Variants in MED13L observed in about 807,000 individuals in gnomAD.
MED13L encodes mediator of RNA polymerase II transcription subunit 13-like.
Under a neutral mutation model 220.9 loss-of-function variants are expected in MED13L, and 7 were observed. The ratio of observed to expected loss-of-function variants is 0.03; its 90% confidence interval spans 0.02 to 0.06. The LOEUF (loss-of-function observed/expected upper bound fraction) is 0.06. MED13L is among the 10% of genes least tolerant of loss of function. MED13L has a pLI of 1.00. For missense variants in MED13L, 1,965 were observed against 2,760.5 expected (o/e 0.71, Z 6.46); for synonymous variants, 1,011 against 1,015.2 (o/e 1.00, Z 0.08).
intron 2 of MED13L, among the ~76,000 whole-genome samples, chr12:116,125,635 T>C (rs1313690661): frequency 6.6e-6 from 1 of 152,220 alleles, no homozygotes; most frequent in Non-Finnish European, 1.5e-5. Flanking sequence ...ATACAATTTC[T>C]ACTGTCGGTG....
chr12:116,273,562 A>C (rs1873567268), intron 1 of MED13L, among the ~76,000 whole-genome samples: 1 of 148,016 alleles, frequency 6.8e-6, no homozygotes. Context: ...CCCTTAAGAC[A>C]AAAAGAAAGT....
chr12:116,243,996 C>T (rs758693009), intron 1 of MED13L, among the ~76,000 whole-genome samples: 3 of 152,108 alleles, frequency 2.0e-5, no homozygotes, highest in Non-Finnish European at 2.9e-5. Flanking sequence ...AGAAAAGCTG[C>T]CAGAAGATAG....
chr12:116,118,066 C>T (rs1446140242), intron 2 of MED13L, among the ~76,000 whole-genome samples: 2 of 152,150 alleles, frequency 1.3e-5, no homozygotes, highest in African/African-American at 4.8e-5. Context: ...GCCTCAGACT[C>T]CCAAAGTGCT....
intron 2 of MED13L, chr12:116,236,755 A>G: frequency 4.0e-5 from 32 of 790,736 alleles, no homozygotes; most frequent in Non-Finnish European, 4.9e-5. Flanking sequence ...AAGACAACTG[A>G]TAAAAGTTCC....
chr12:116,070,016 T>C (rs1190977002), intron 4 of MED13L, among the ~76,000 whole-genome samples: 1 of 152,192 alleles, frequency 6.6e-6, no homozygotes, highest in Admixed American at 6.5e-5. Context: ...TTTTTGAGTA[T>C]TTTTAAAAAA....
chr12:116,061,385 A>ATG (rs1869467041), intron 4 of MED13L, among the ~76,000 whole-genome samples: 1 of 152,154 alleles, frequency 6.6e-6, no homozygotes, highest in African/African-American at 2.4e-5. Flanking sequence ...AGGAAAGGCA[A>ATG]TGTCAGAGGG....
chr12:116,134,673 C>T (rs1190898231), intron 2 of MED13L, among the ~76,000 whole-genome samples: 1 of 151,968 alleles, frequency 6.6e-6, no homozygotes, highest in African/African-American at 2.4e-5. Context: ...AAGTTAAATG[C>T]AATTAAGTCT....
chr12:116,177,304 T>C lies in MED13L; in HGVS notation c.310+60164A>G, dbSNP rs548492318. On this transcript the variant is annotated intron_variant, in intron 2 of 30. Coordinates refer to ENST00000281928, the MANE Select transcript of MED13L (RefSeq NM_015335.5). Reference sequence around the variant, plus strand: ...TAGTTTTGTCTGTGTCTAAACTTTATACAAAAGAAATCAGAATACCACTTG... The same window carrying C: ...TAGTTTTGTCTGTGTCTAAACTTTACACAAAAGAAATCAGAATACCACTTG... Among the ~76,000 whole-genome samples, 67 of 152,332 alleles carry C rather than the reference T, an allele frequency of 4.4e-4. 1 individual carries two copies. Among genetic ancestry groups the C allele is most frequent in the African/African-American group, 1.6e-3 (65 of 41,560 alleles).
intron 2 of MED13L, among the ~76,000 whole-genome samples, chr12:116,131,001 T>C (rs1030036658): frequency 1.3e-5 from 2 of 152,226 alleles, no homozygotes; most frequent in African/African-American, 4.8e-5. Flanking sequence ...TAAAGTTTTA[T>C]AAGCAGGTTA....
At chr12:116,175,558 T>C (rs1879989618) in intron 2 of MED13L, among the ~76,000 whole-genome samples, 1 of 152,158 alleles carries the variant, frequency 6.6e-6, no homozygotes, top group Non-Finnish European at 1.5e-5. Context: ...CCCAGGAATA[T>C]TGAGACCTTA....
intron 4 of MED13L, among the ~76,000 whole-genome samples, chr12:116,031,763 G>GAAAAGAAAAGAAAAGAAAAGAAAA (rs1566020961): frequency 9.8e-6 from 1 of 102,244 alleles, no homozygotes; most frequent in Non-Finnish European, 2.3e-5. Context: ...AAGAAAAGAA[G>GAAAAGAAAAGAAAAGAAAAGAAAA]GAAGGAAGGA....
At chr12:116,011,400 A>G (rs1224941513) in intron 9 of MED13L, among the ~76,000 whole-genome samples, 1 of 152,260 alleles carries the variant, frequency 6.6e-6, no homozygotes, top group Non-Finnish European at 1.5e-5. Flanking sequence ...CGTGTTACAA[A>G]AATAATTCCA....
At chr12:116,022,420 C>T (rs758158623) in intron 5 of MED13L, 36 bp downstream of exon 5, 7 of 1,611,250 alleles carry the variant, frequency 4.3e-6, no homozygotes, top group South Asian at 2.2e-5. Flanking sequence ...CACTCGGTGG[C>T]GGATAGGGGT....
At chr12:115,967,406 G>A (rs1423168149) in intron 28 of MED13L, among the ~76,000 whole-genome samples, 1 of 152,082 alleles carries the variant, frequency 6.6e-6, no homozygotes, top group African/African-American at 2.4e-5. Context: ...CAGGTGCTCA[G>A]GATTGAAAAA....
chr12:115,961,128 T>G lies in MED13L; in HGVS notation c.*138A>C. On this transcript the variant is annotated 3_prime_UTR_variant, in exon 31 of 31. Coordinates refer to ENST00000281928, the MANE Select transcript of MED13L (RefSeq NM_015335.5). ...CACTGCAGAATTGACATGTGCCTGC[T>G]GAGAAGGAATCACAGTGCAGGACTG... The G allele has an allele frequency of 1.8e-6, 2 of 1,130,896 alleles. No individual in the cohort carries two copies. The highest frequency in any genetic ancestry group is 2.6e-6 in the Non-Finnish European group (2 of 761,516). The allele number at this position is 1,130,896 out of a possible 1,614,324, so 70.1% of individuals were successfully genotyped here.
intron 13 of MED13L, 112 bp from the exon 14 acceptor site, chr12:116,003,214 C>G: frequency 1.2e-6 from 1 of 840,656 alleles, no homozygotes; most frequent in Non-Finnish European, 2.0e-6. Flanking sequence ...GAAGCGTTTA[C>G]CAGGTGAACC....
chr12:116,186,388 T>C (rs1471330620), intron 2 of MED13L, among the ~76,000 whole-genome samples: 1 of 152,138 alleles, frequency 6.6e-6, no homozygotes, highest in Non-Finnish European at 1.5e-5. Flanking sequence ...CACACACCAC[T>C]GGGGGAGGGA....
At position 115,980,800 on chromosome 12, in the gene MED13L, T is replaced by C; in HGVS notation, c.5314A>G (p.Thr1772Ala). The C allele has an allele frequency of 1.2e-6, 2 of 1,613,892 alleles. No homozygotes were observed. Among genetic ancestry groups the C allele is most frequent in the Non-Finnish European group, 1.7e-6 (2 of 1,179,852 alleles). Reference protein sequence around the residue: ...LPTQIHIKSLTGFGPAASIEM... With the variant: ...LPTQIHIKSLAGFGPAASIEM... ...ATGCTGGCTGCAGGCCCAAATCCCGTGAGGGATTTAATGTGGATCTGTGTA... is the reference window on the plus strand; with the variant it reads ...ATGCTGGCTGCAGGCCCAAATCCCGCGAGGGATTTAATGTGGATCTGTGTA... Residue 1772 changes from threonine to alanine, a missense_variant, in exon 23 of 31, where the codon ACG (threonine) becomes GCG (alanine). Coordinates refer to ENST00000281928, the MANE Select transcript of MED13L (RefSeq NM_015335.5).
At chr12:116,144,493 C>T (rs528161038) in intron 2 of MED13L, among the ~76,000 whole-genome samples, 13 of 152,260 alleles carry the variant, frequency 8.5e-5, no homozygotes, top group Admixed American at 7.2e-4. Flanking sequence ...AAGCTTACCC[C>T]AAAACATAAA....
Sources: gnomAD v4.1 joint callset for allele counts (sites outside exome capture counted in the v4.1 genomes callset) on GRCh38, gnomAD v4.1.1 for gene constraint, MANE v1.5 for transcripts, NCBI Gene and HGNC (gene_info 2026-07-23, HGNC 2026-07-21) for gene names.